CTNNA2: variants seen among roughly 807,000 people sequenced by gnomAD.
CTNNA2 encodes the protein catenin alpha-2.
Under a neutral mutation model 101.0 loss-of-function variants are expected in CTNNA2, and 42 were observed. The observed-to-expected ratio is 0.42, with a 90% CI of 0.32 to 0.54. The LOEUF (loss-of-function observed/expected upper bound fraction) is 0.54. Among genes scored for constraint, CTNNA2 ranks in the 20% least tolerant of loss-of-function variants. CTNNA2 has a pLI of 0.14. For missense variants in CTNNA2, 871 were observed against 1,223.1 expected, an observed-to-expected ratio of 0.71 and a Z score of 4.29; for synonymous variants, 450 against 456.4, an observed-to-expected ratio of 0.99 and a Z score of 0.18.
chr2:79,363,978 T>G (rs1003868363), intron 3 of CTNNA2, among the ~76,000 whole-genome samples: 9 of 152,224 alleles, frequency 5.9e-5, no homozygotes, highest in African/African-American at 2.2e-4. Flanking sequence ...GAACAGAGTT[T>G]CAATCCTTAA....
At chr2:80,325,789 A>C (rs1423512272) in intron 7 of CTNNA2, among the ~76,000 whole-genome samples, 1 of 152,142 alleles carries the variant, frequency 6.6e-6, no homozygotes, top group Non-Finnish European at 1.5e-5. Flanking sequence ...GATTTGCAAA[A>C]TTTGAGAGCT....
intron 11 of CTNNA2, among the ~76,000 whole-genome samples, chr2:80,550,835 A>G (rs1692497291): frequency 6.6e-6 from 1 of 151,816 alleles, no homozygotes; most frequent in Non-Finnish European, 1.5e-5. Flanking sequence ...CTTTTTCCAA[A>G]CTCCTGTTAA....
In CTNNA2 at chr2:80,632,173, G is replaced by A. The variant is rs1188913627; in HGVS notation, c.2574+12945G>A. Among the ~76,000 whole-genome samples the A allele has an allele frequency of 5.3e-5, 8 of 152,052 alleles. No homozygotes were observed. The East Asian group carries it at 1.6e-3, about 30-fold the overall frequency. On this transcript the variant is annotated intron_variant, in intron 18 of 18. Transcript: ENST00000402739. ...TCCCAGCATGATTTATGTGGTTCTA[G>A]CCTTAGTGGAGAACATACCAGCATA...
At chr2:80,483,749 A>C (rs1686328320) in intron 9 of CTNNA2, among the ~76,000 whole-genome samples, 2 of 152,192 alleles carry the variant, frequency 1.3e-5, no homozygotes, top group African/African-American at 4.8e-5. Context: ...GTATTGGGAT[A>C]AATAGGAAAT....
intron 7 of CTNNA2, among the ~76,000 whole-genome samples, chr2:80,084,902 C>T (rs1699350747): frequency 6.6e-6 from 1 of 151,938 alleles, no homozygotes; most frequent in South Asian, 2.1e-4. Flanking sequence ...TAGCACTGAA[C>T]TATGACGAAC....
intron 9 of CTNNA2, among the ~76,000 whole-genome samples, chr2:80,520,611 G>A (rs145233567): frequency 4.7e-4 from 71 of 152,256 alleles, no homozygotes; most frequent in Middle Eastern, 3.4e-3. Context: ...CAGAAAGAAA[G>A]CTAGTTTGCT....
At chr2:79,769,739 A>C (rs892583524) in intron 3 of CTNNA2, among the ~76,000 whole-genome samples, 1 of 152,198 alleles carries the variant, frequency 6.6e-6, no homozygotes, top group Non-Finnish European at 1.5e-5. Flanking sequence ...TCAATTTGAA[A>C]TATTCTTCTG....
At chr2:80,563,755 A>T (rs1693813132) in intron 12 of CTNNA2, among the ~76,000 whole-genome samples, 1 of 151,948 alleles carries the variant, frequency 6.6e-6, no homozygotes, top group Non-Finnish European at 1.5e-5. Flanking sequence ...CCCCTTTCTA[A>T]CCAGACCAGA....
At chr2:79,576,647 C>T (rs543161456) in intron 1 of CTNNA2, among the ~76,000 whole-genome samples, 3 of 152,080 alleles carry the variant, frequency 2.0e-5, no homozygotes, top group Admixed American at 6.6e-5. Context: ...TCTTGTTAGA[C>T]GATATCACTC....
Position 79,779,995 on chromosome 2 carries a change from A to G in CTNNA2, c.298+35413A>G, listed in dbSNP as rs4852518. Among the ~76,000 whole-genome samples, 574 of 152,080 alleles carry G rather than the reference A, an allele frequency of 3.8e-3. 3 individuals carry two copies. Among genetic ancestry groups the G allele is most frequent in the African/African-American group, 0.013 (533 of 41,454 alleles). On this transcript the variant is annotated intron_variant, in intron 3 of 18. Transcript: ENST00000402739. The stretch of plus-strand genomic sequence containing the variant: ...TGATAAGAGACACTTACAATCTATT[A>G]TCTCTGAAGCCTGCACCTGGAGGCT...
At chr2:79,376,272 G>C (rs538753466) in intron 4 of CTNNA2, among the ~76,000 whole-genome samples, 1 of 152,100 alleles carries the variant, frequency 6.6e-6, no homozygotes, top group Non-Finnish European at 1.5e-5. Flanking sequence ...TTGCAGAAAT[G>C]AGTAGGAAAC....
intron 7 of CTNNA2, among the ~76,000 whole-genome samples, chr2:80,151,185 T>G (rs1170342533): frequency 1.3e-5 from 2 of 152,220 alleles, no homozygotes; most frequent in African/African-American, 2.4e-5. Flanking sequence ...TCCTTCCTGT[T>G]TGGTCTATTT....
chr2:80,171,423 G>T (rs1368121669), intron 7 of CTNNA2, among the ~76,000 whole-genome samples: 1 of 152,188 alleles, frequency 6.6e-6, no homozygotes. Context: ...GGACAGCAAG[G>T]TTCTATAAAA....
chr2:79,528,371 T>C (rs1347474220), intron 1 of CTNNA2, among the ~76,000 whole-genome samples: 2 of 151,918 alleles, frequency 1.3e-5, no homozygotes, highest in African/African-American at 2.4e-5. Context: ...GCCACCATGC[T>C]TGGCTGATTA....
chr2:80,492,403 A>G (rs1283671106), intron 9 of CTNNA2, among the ~76,000 whole-genome samples: 1 of 152,188 alleles, frequency 6.6e-6, no homozygotes, highest in African/African-American at 2.4e-5. Flanking sequence ...TAATAGCAGC[A>G]TGAGAATGGA....
At chr2:80,231,422 G>A (rs1709205708) in intron 7 of CTNNA2, among the ~76,000 whole-genome samples, 1 of 152,136 alleles carries the variant, frequency 6.6e-6, no homozygotes, top group Non-Finnish European at 1.5e-5. Flanking sequence ...ATCAGGCAAG[G>A]CACTGTCCTT....
At chr2:80,523,165 A>G (rs1442664292) in intron 9 of CTNNA2, among the ~76,000 whole-genome samples, 1 of 152,176 alleles carries the variant, frequency 6.6e-6, no homozygotes, top group Non-Finnish European at 1.5e-5. Flanking sequence ...TTAGAGGAAA[A>G]CATTTATTTA....
chr2:80,094,857 G>C lies in CTNNA2; in HGVS notation c.1056+185060G>C, dbSNP rs1408972504. On this transcript the variant is annotated intron_variant, in intron 7 of 18. Coordinates refer to ENST00000402739, the MANE Select transcript of CTNNA2 (RefSeq NM_001282597.3). ...CTTGTGATTTTTGCACATTGATTTT[G>C]TATCCTGAGACTGCTGAAGTTGCTT... is the stretch of plus-strand genomic sequence containing the variant. Among the ~76,000 whole-genome samples, 12 of 152,284 alleles carry C rather than the reference G, an allele frequency of 7.9e-5. No homozygotes were observed. The East Asian group carries it at 2.1e-3, about 27-fold the overall frequency.
At chr2:80,020,045 C>T (rs1694444887) in intron 7 of CTNNA2, among the ~76,000 whole-genome samples, 1 of 152,168 alleles carries the variant, frequency 6.6e-6, no homozygotes. Context: ...AGAGGCACTG[C>T]TCTCCATGCT....
Sources: gnomAD v4.1 joint callset for allele counts (sites outside exome capture counted in the v4.1 genomes callset) on GRCh38, gnomAD v4.1.1 for gene constraint, MANE v1.5 for transcripts, NCBI Gene and HGNC (gene_info 2026-07-23, HGNC 2026-07-21) for gene names.